The following DNAH10 variants were observed in gnomAD, a reference collection of about 807,000 sequenced individuals.
The protein encoded by DNAH10 is axonemal beta dynein heavy chain 10.
Under a neutral mutation model 506.6 loss-of-function variants are expected in DNAH10, and 348 were observed. The observed-to-expected ratio is 0.69, with a 90% CI of 0.63 to 0.75. The LOEUF (loss-of-function observed/expected upper bound fraction) is 0.75. Among genes scored for constraint, DNAH10 ranks in the 30% least tolerant of loss-of-function variants. The pLI is 0.00. For missense variants in DNAH10, 5,179 were observed against 5,787.1 expected, an observed-to-expected ratio of 0.89 and a Z score of 3.41; for synonymous variants, 2,059 against 2,198.6, an observed-to-expected ratio of 0.94 and a Z score of 1.78.
In DNAH10 at chr12:123,902,877, C is replaced by T. The variant is rs951028291; in HGVS notation, c.9641-62C>T. 1.3e-5 allele frequency: 20 copies of T among 1,510,372 alleles called. No individual in the cohort carries two copies. Among genetic ancestry groups the T allele is most frequent in the Admixed American group, 8.5e-5 (4 of 47,050 alleles). 93.6% of individuals were successfully genotyped at this position (1,510,372 alleles called of 1,614,324 possible). ...TTGAGGACTGCACTCTGCTCAGAGC[C>T]GGGGCCGCGAGTGCATCTCCTCTGA... On this transcript the variant is annotated intron_variant, in intron 56 of 78. Transcript: ENST00000673944. This position sits in a 1 kb window ranked among gnomAD's most constrained non-coding sequence, Gnocchi z 4.5.
rs1951075691 is a variant in DNAH10, at chr12:123,849,394, G to A, written c.6102+512G>A. Among the ~76,000 whole-genome samples, 2 of 152,216 alleles carry A rather than the reference G, an allele frequency of 1.3e-5. 1 individual carries two copies. The highest frequency in any genetic ancestry group is 4.1e-4 in the South Asian group (2 of 4,834). ...CCAATTTCTCTCTGCCAAAGAATAT[G>A]TTTGCAGACTTGAGTTTGAGAAGTC... is the stretch of plus-strand genomic sequence containing the variant. On this transcript the variant is annotated intron_variant, in intron 34 of 78. Transcript: ENST00000673944.
chr12:123,775,143 G>A lies in DNAH10; in HGVS notation c.621+879G>A, dbSNP rs142078908. On this transcript the variant is annotated intron_variant, in intron 5 of 78. Transcript: ENST00000673944. The stretch of plus-strand genomic sequence containing the variant: ...TTATTTTTATTGTTTTTCGAGACAG[G>A]GTCTCTCCGCCATCCAGTCTGGAGT... Among the ~76,000 whole-genome samples the A allele has an allele frequency of 6.2e-3, 943 of 152,228 alleles. 17 individuals are homozygous for A. Among genetic ancestry groups the A allele is most frequent in the African/African-American group, 0.021 (876 of 41,544 alleles).
rs753458101 is a variant in DNAH10, at chr12:123,933,396, G to A, written c.13362G>A (p.Thr4454=). The change falls in exon 77 of 79, where the codon ACG becomes ACA. Residue 4454 remains threonine (T), a synonymous_variant. Coordinates refer to ENST00000673944, the MANE Select transcript of DNAH10 (RefSeq NM_001372106.1). The part of the protein sequence containing the change: ...SGLHIPESYL[T]ALVQATCRKN... ...TGCACATCCCTGAGTCCTACCTCACGGCGCTGGTGCAGGCCACCTGCCGGA... is the reference window on the plus strand; with the variant it reads ...TGCACATCCCTGAGTCCTACCTCACAGCGCTGGTGCAGGCCACCTGCCGGA... The A allele has an allele frequency of 4.0e-5, 64 of 1,611,538 alleles. No individual in the cohort carries two copies. The highest frequency in any genetic ancestry group is 5.1e-5 in the Non-Finnish European group (60 of 1,179,644).
At chr12:123,871,684 T>G in intron 45 of DNAH10, 82 bp downstream of exon 45, 1 of 1,464,724 alleles carries the variant, frequency 6.8e-7, no homozygotes, top group Non-Finnish European at 9.2e-7. Context: ...ACAAGCACTG[T>G]GATCTCACAG....
rs191217596 is a variant in DNAH10, at chr12:123,851,220, T to C, written c.6291+144T>C. ...GTCAGCTCCATGTGGCTCTTCCAGATGGGACCTAGGATGTGTTAGCTCCGT... is the reference window on the plus strand; with the variant it reads ...GTCAGCTCCATGTGGCTCTTCCAGACGGGACCTAGGATGTGTTAGCTCCGT... On this transcript the variant is annotated intron_variant, in intron 35 of 78. Transcript: ENST00000673944. The C allele has an allele frequency of 4.7e-4, 398 of 849,720 alleles. 2 individuals are homozygous for C. Among genetic ancestry groups the C allele is most frequent in the African/African-American group, 8.4e-4 (38 of 45,292 alleles). The allele number at this position is 849,720 out of a possible 1,614,324, so 52.6% of individuals were successfully genotyped here.
At chr12:123,776,262 T>G (rs561654497) in intron 5 of DNAH10, among the ~76,000 whole-genome samples, 86 of 152,180 alleles carry the variant, frequency 5.7e-4, no homozygotes, top group Non-Finnish European at 1.0e-3. Context: ...GATCAGGCCA[T>G]GGGACTTGCT....
At chr12:123,868,935 G>A (rs555833700) in intron 43 of DNAH10, among the ~76,000 whole-genome samples, 3 of 152,312 alleles carry the variant, frequency 2.0e-5, no homozygotes, top group South Asian at 4.1e-4. Context: ...CGCCAGCCAC[G>A]CTGGCTGTGC....
In DNAH10 at chr12:123,851,020, G is replaced by C; in HGVS notation, c.6235G>C (p.Asp2079His). 6.2e-7 allele frequency: 1 copy of C among 1,613,602 alleles called. No homozygotes were observed. The highest frequency in any genetic ancestry group is 1.7e-5 in the Admixed American group (1 of 60,004). The change falls in exon 35 of 79, where the codon GAC (aspartate) becomes CAC (histidine). Residue 2079 changes from aspartate to histidine, a missense_variant. By Grantham distance (81) the Asp-to-His change is moderately conservative (BLOSUM62 -1). Coordinates refer to ENST00000673944, the MANE Select transcript of DNAH10 (RefSeq NM_001372106.1). Reference protein sequence around the residue: ...LFRPVVVIVPDLQQICEIMLF... With the variant: ...LFRPVVVIVPHLQQICEIMLF... Reference sequence around the variant, plus strand: ...CAGGCCTGTGGTCGTGATCGTGCCCGACCTGCAGCAGATCTGTGAGATCAT... The same window carrying C: ...CAGGCCTGTGGTCGTGATCGTGCCCCACCTGCAGCAGATCTGTGAGATCAT...
chr12:123,878,755 T>C (rs377152219), intron 48 of DNAH10, among the ~76,000 whole-genome samples: 1 of 152,080 alleles, frequency 6.6e-6, no homozygotes, highest in Non-Finnish European at 1.5e-5. Context: ...AAAAATTAGC[T>C]GAGTGTGGTG....
At chr12:123,779,685 C>T (rs967477911) in intron 5 of DNAH10, among the ~76,000 whole-genome samples, 2 of 152,002 alleles carry the variant, frequency 1.3e-5, no homozygotes, top group African/African-American at 4.8e-5. Context: ...AGTCTCTGGT[C>T]CCAGCTGCCA....
At chr12:123,881,112 C>T (rs1195698659) in intron 50 of DNAH10, among the ~76,000 whole-genome samples, 4 of 152,070 alleles carry the variant, frequency 2.6e-5, no homozygotes, top group Non-Finnish European at 4.4e-5. Context: ...AATAAACATA[C>T]GTGTGCATGT....
chr12:123,840,130 G>A (rs1950715423), intron 29 of DNAH10, among the ~76,000 whole-genome samples: 2 of 151,932 alleles, frequency 1.3e-5, no homozygotes, highest in African/African-American at 4.8e-5. Flanking sequence ...CTAGATGCCA[G>A]TAGCACCCCC....
At chr12:123,773,078 T>G (rs1018173423) in intron 4 of DNAH10, 136 bp downstream of exon 4, 10 of 599,000 alleles carry the variant, frequency 1.7e-5, no homozygotes, top group Non-Finnish European at 2.9e-5. Flanking sequence ...CATACTGTAC[T>G]GGGTTCTTAC....
chr12:123,902,252 C>G lies in DNAH10; in HGVS notation c.9641-687C>G, dbSNP rs1176531180. Among the ~76,000 whole-genome samples, 1 of 152,150 alleles carries G rather than the reference C, an allele frequency of 6.6e-6. No homozygotes were observed. Among genetic ancestry groups the G allele is most frequent in the Non-Finnish European group, 1.5e-5 (1 of 68,026 alleles). On this transcript the variant is annotated intron_variant, in intron 56 of 78. Transcript: ENST00000673944. The surrounding 1 kb of genome is among the most constrained non-coding windows in gnomAD (Gnocchi z 4.5). ...ATGACCTAATCTTAACTAATTCCAT[C>G]TACAAAGACCCACTTCCAAATAAGG...
rs1281643871 is a variant in DNAH10 at position 123,914,398 on chromosome 12, G to A, written c.10422G>A (p.Ala3474=). Residue 3474 remains alanine, a synonymous_variant, in exon 61 of 79, where the codon GCG becomes GCA. Coordinates refer to ENST00000673944, the MANE Select transcript of DNAH10 (RefSeq NM_001372106.1). ...VKLLGDCLLC[A]AFLSYEGAFT... is the part of the protein sequence containing the mutation. ...TGCTGGGGGACTGCCTGCTCTGCGC[G>A]GCTTTCCTCAGCTACGAGGGAGCCT... 3.1e-6 allele frequency: 5 copies of A among 1,613,612 alleles called. No individual in the cohort carries two copies. Among genetic ancestry groups the A allele is most frequent in the South Asian group, 1.1e-5 (1 of 91,082 alleles).
At position 123,926,442 on chromosome 12, in the gene DNAH10, C is replaced by T; in HGVS notation, c.11922-195C>T. The stretch of plus-strand genomic sequence containing the variant: ...AGGGGGTACAGAGAAGTCCCTGCCA[C>T]TCAGGAGTTCCCCATCAGGGTGGGA... On this transcript the variant is annotated intron_variant, in intron 68 of 78. Transcript: ENST00000673944. This position sits in a 1 kb window ranked among gnomAD's most constrained non-coding sequence, Gnocchi z 4.1. 1 of 589,812 alleles carries T rather than the reference C, an allele frequency of 1.7e-6. No homozygotes were observed. The highest frequency in any genetic ancestry group is 2.9e-6 in the Non-Finnish European group (1 of 350,210). The allele number at this position is 589,812 out of a possible 1,614,324, so 36.5% of individuals were successfully genotyped here. A position where few individuals can be genotyped will look rare whatever the true frequency, so the allele number is the denominator to read the frequency against.
At chr12:123,888,654 C>T (rs369574680) in intron 52 of DNAH10, among the ~76,000 whole-genome samples, 5 of 152,196 alleles carry the variant, frequency 3.3e-5, no homozygotes, top group Non-Finnish European at 7.3e-5. Context: ...GCAAGAGAGT[C>T]GGTGTCTGTA....
In DNAH10 at chr12:123,838,631, A is replaced by G; in HGVS notation, c.5078A>G (p.Glu1693Gly). Reference protein sequence around the residue: ...FPRFFFISDDELLSILGSSDP... With the variant: ...FPRFFFISDDGLLSILGSSDP... ...AGGTTCTTCTTCATTTCTGACGATG[A>G]GTTGCTTAGCATTCTGGGGAGCAGC... is the stretch of plus-strand genomic sequence containing the variant. The change falls in exon 29 of 79, where the codon GAG becomes GGG. Residue 1693 changes from glutamate to glycine, a missense_variant. This residue lies in a region of DNAH10 where 4,844 missense variants were observed against 5,430.5 expected (regional missense o/e 0.89). Transcript: ENST00000673944. The G allele has an allele frequency of 6.2e-7, 1 of 1,614,012 alleles. No homozygotes were observed. Among genetic ancestry groups the G allele is most frequent in the East Asian group, 2.2e-5 (1 of 44,884 alleles).
chr12:123,921,072 C>G (rs146379753), intron 65 of DNAH10, among the ~76,000 whole-genome samples: 401 of 152,286 alleles, frequency 2.6e-3, no homozygotes, highest in Non-Finnish European at 4.6e-3. Context: ...CGTGTCTGCC[C>G]CACCCCTTGC....
Sources: allele counts gnomAD v4.1 joint callset (sites outside exome capture counted in the v4.1 genomes callset), GRCh38; gene constraint gnomAD v4.1.1; regional missense constraint gnomAD v4.1.1; non-coding constraint Gnocchi (gnomAD v3.1); transcripts MANE v1.5; gene names NCBI Gene and HGNC (gene_info 2026-07-23, HGNC 2026-07-21).